Variants in SVEP1 observed in about 807,000 individuals in gnomAD.
The protein encoded by SVEP1 is sushi, von Willebrand factor type A, EGF and pentraxin domain containing 1.
A neutral mutation model predicts 367.3 loss-of-function variants in SVEP1; 164 were observed. That is an observed-to-expected ratio of 0.45 (90% CI 0.39 to 0.51). The LOEUF (loss-of-function observed/expected upper bound fraction) is 0.51, where lower values mean the gene tolerates loss of function less well. Ranked by LOEUF, SVEP1 falls within the 20% of genes least tolerant of loss-of-function variation. The pLI, the probability that SVEP1 is intolerant of heterozygous loss-of-function variation, is 0.00. For synonymous variants in SVEP1, 1,666 were observed against 1,611.6 expected (o/e 1.03, Z -0.81); for missense variants, 4,117 against 4,425.3 (o/e 0.93, Z 1.98).
chr9:110,501,934 T>C (rs1829538569), intron 6 of SVEP1, among the ~76,000 whole-genome samples: 1 of 152,128 alleles, frequency 6.6e-6, no homozygotes, highest in Admixed American at 6.5e-5. Context: ...GGGTTGCTAG[T>C]ATATTTGCTT....
chr9:110,416,694 T>G (rs2118522199), intron 36 of SVEP1, among the ~76,000 whole-genome samples: 1 of 152,110 alleles, frequency 6.6e-6, no homozygotes, highest in Non-Finnish European at 1.5e-5. Context: ...TGACAATAAA[T>G]ACACCATAGT....
chr9:110,395,741 CA>C (rs1359492039), intron 40 of SVEP1, among the ~76,000 whole-genome samples: 1 of 151,018 alleles, frequency 6.6e-6, no homozygotes, highest in African/African-American at 2.4e-5. Flanking sequence ...CAACAAAGAT[CA>C]AAAGAGACAA....
At chr9:110,428,555 C>T (rs1253479061) in intron 35 of SVEP1, among the ~76,000 whole-genome samples, 3 of 152,080 alleles carry the variant, frequency 2.0e-5, no homozygotes, top group Non-Finnish European at 2.9e-5. Flanking sequence ...AAGCATTTAT[C>T]GGGTATTCTG....
Position 110,407,209 on chromosome 9 carries a change from C to A in SVEP1, c.8391G>T (p.Leu2797Phe). Residue 2797 changes from leucine (L) to phenylalanine (F), a missense_variant, in exon 38 of 48, where the codon TTG becomes TTT. Transcript: ENST00000374469. ...CATATCCGGGGTCACACTCATAGTACAACGTGCTCAGGTATGTGTAGTTGC... is the reference window on the plus strand; with the variant it reads ...CATATCCGGGGTCACACTCATAGTAAAACGTGCTCAGGTATGTGTAGTTGC... ...KGSNYTYLST[L>F]YYECDPGYVL... 1 of 1,614,000 alleles carries A rather than the reference C, an allele frequency of 6.2e-7. No individual in the cohort carries two copies. Among genetic ancestry groups the A allele is most frequent in the Non-Finnish European group, 8.5e-7 (1 of 1,179,890 alleles).
Position 110,472,309 on chromosome 9 carries a change from C to G in SVEP1, c.2614G>C (p.Gly872Arg). The change falls in exon 15 of 48, where the codon GGT becomes CGT. Residue 872 changes from glycine to arginine, a missense_variant. By Grantham distance (125) the Gly-to-Arg change is moderately radical. Coordinates refer to ENST00000374469, the MANE Select transcript of SVEP1 (RefSeq NM_153366.4). ...GAGTAATCCAGCCTATTAGCTGCAC[C>G]CCAGCCACCTGGTCCTGGATAGTCG... ...NGFAIGPGGW[G>R]AANRLDYSYD... The G allele has an allele frequency of 6.3e-7, 1 of 1,595,494 alleles. No homozygotes were observed. Among genetic ancestry groups the G allele is most frequent in the Non-Finnish European group, 8.5e-7 (1 of 1,174,176 alleles).
chr9:110,453,616 C>T (rs1362997759), intron 22 of SVEP1, among the ~76,000 whole-genome samples: 1 of 151,876 alleles, frequency 6.6e-6, no homozygotes, highest in African/African-American at 2.4e-5. Context: ...GCCTGTAATC[C>T]CAGCACTTTG....
At chr9:110,447,464 G>A (rs2118601539) in intron 24 of SVEP1, among the ~76,000 whole-genome samples, 1 of 152,326 alleles carries the variant, frequency 6.6e-6, no homozygotes. Context: ...GGCTCAGAAA[G>A]ATTAAAGAAT....
At chr9:110,562,343 ATT>A (rs1397257529) in intron 1 of SVEP1, among the ~76,000 whole-genome samples, 6 of 152,202 alleles carry the variant, frequency 3.9e-5, no homozygotes, top group Admixed American at 3.3e-4. Context: ...ATTTAATTTT[ATT>A]ATCAATATTG....
chr9:110,572,789 C>CAAAAAAAAAAAAAAAAAAA (rs56077443), intron 1 of SVEP1, among the ~76,000 whole-genome samples: 20 of 76,520 alleles, frequency 2.6e-4, no homozygotes, highest in East Asian at 4.0e-4. Flanking sequence ...CTCTCTCTCA[C>CAAAAAAAAAAAAAAAAAAA]AAAAAAAAAA....
intron 36 of SVEP1, among the ~76,000 whole-genome samples, chr9:110,424,408 G>C (rs1436410726): frequency 6.6e-6 from 1 of 152,042 alleles, no homozygotes; most frequent in African/African-American, 2.4e-5. Context: ...AGAATATGAA[G>C]CAACAGATAC....
rs758035005 is a variant in SVEP1, at chr9:110,549,944, A to G, written c.692T>C (p.Leu231Pro). Residue 231 changes from leucine to proline, a missense_variant, in exon 2 of 48, where the codon CTG (leucine) becomes CCG (proline). Physicochemically the swap from Leu to Pro is moderately conservative, Grantham distance 98. Around this residue, in one of 4 missense-constraint regions of SVEP1, gnomAD observed 2,174 missense variants for 2,494.3 expected, o/e 0.87. Transcript: ENST00000374469. The part of the protein sequence containing the change: ...FGIWQGNIRE[L>P]NDMASTPKEE... Reference sequence around the variant, plus strand: ...CTTTGGGGTGGAAGCCATGTCATTCAGCTCTCGAATGTTCCCTTGCCATAT... The same window carrying G: ...CTTTGGGGTGGAAGCCATGTCATTCGGCTCTCGAATGTTCCCTTGCCATAT... The G allele has an allele frequency of 3.1e-6, 5 of 1,613,922 alleles. No homozygotes were observed. Among genetic ancestry groups the G allele is most frequent in the Non-Finnish European group, 8.5e-7 (1 of 1,179,906 alleles).
chr9:110,519,436 T>A (rs536179885), intron 3 of SVEP1, among the ~76,000 whole-genome samples: 4 of 152,184 alleles, frequency 2.6e-5, no homozygotes, highest in African/African-American at 4.8e-5. Flanking sequence ...ATCTCCAGCA[T>A]CCTTCAAGAC....
In SVEP1 at chr9:110,397,342, C is replaced by T. The variant is rs1423353520; in HGVS notation, c.9822+3512G>A. 9.2e-5 allele frequency among the ~76,000 whole-genome samples: 14 copies of T among 152,332 alleles called. No homozygotes were observed. The East Asian group carries it at 1.7e-3, about 19-fold the overall frequency. ...TAAATTAGGTATTGATGGGACGTATCTCAAAATAATAAGAGCTATCTATGA... is the reference window on the plus strand; with the variant it reads ...TAAATTAGGTATTGATGGGACGTATTTCAAAATAATAAGAGCTATCTATGA... On this transcript the variant is annotated intron_variant, in intron 40 of 47. Transcript: ENST00000374469.
chr9:110,388,666 T>C (rs537023110), intron 41 of SVEP1, among the ~76,000 whole-genome samples: 40 of 152,208 alleles, frequency 2.6e-4, no homozygotes, highest in African/African-American at 9.6e-4. Context: ...CATAGGGAGC[T>C]TTAAAATGCT....
chr9:110,458,124 C>G (rs1449307762), intron 20 of SVEP1: 3 of 508,688 alleles, frequency 5.9e-6, no homozygotes, highest in African/African-American at 3.8e-5. Context: ...CTCTGCCTGC[C>G]AATTAGAAAA....
rs762697518 is a variant in SVEP1 at position 110,458,944 on chromosome 9, C to T, written c.3484+8G>A. ...ATAGGATTACATAAGAAATGAAGTT[C>T]ATCTTACTTGAACATTCTGTGATGG... On this transcript the variant is annotated splice_region_variant and intron_variant, in intron 19 of 47. Coordinates refer to ENST00000374469, the MANE Select transcript of SVEP1 (RefSeq NM_153366.4). 5 of 1,607,730 alleles carry T rather than the reference C, an allele frequency of 3.1e-6. No homozygotes were observed. Among genetic ancestry groups the T allele is most frequent in the Middle Eastern group, 1.7e-4 (1 of 6,020 alleles).
intron 8 of SVEP1, among the ~76,000 whole-genome samples, chr9:110,493,106 G>A (rs1588079619): frequency 6.6e-6 from 1 of 152,026 alleles, no homozygotes; most frequent in Non-Finnish European, 1.5e-5. Context: ...CTCTGCTCTA[G>A]GGGTTTTGAG....
intron 8 of SVEP1, among the ~76,000 whole-genome samples, chr9:110,491,975 C>T (rs1829372926): frequency 6.6e-6 from 1 of 151,662 alleles, no homozygotes; most frequent in South Asian, 2.1e-4. Context: ...ACAAAAAATT[C>T]CCACAGCACT....
intron 24 of SVEP1, among the ~76,000 whole-genome samples, chr9:110,447,283 C>G (rs1215995589): frequency 6.6e-6 from 1 of 152,194 alleles, no homozygotes; most frequent in East Asian, 1.9e-4. Context: ...GAAAGTAGTT[C>G]TGGTACAGGT....
Sources: gnomAD v4.1 joint callset for allele counts (sites outside exome capture counted in the v4.1 genomes callset) on GRCh38, gnomAD v4.1.1 for gene constraint, gnomAD v4.1.1 regional missense constraint, MANE v1.5 for transcripts, NCBI Gene and HGNC (gene_info 2026-07-23, HGNC 2026-07-21) for gene names.